Variants in MGST1 observed in about 807,000 individuals in gnomAD.
MGST1 encodes microsomal glutathione S-transferase 1, also known as glutathione S-transferase 12.
In MGST1, 5 loss-of-function variants were observed where a neutral mutation model predicts 8.9. The ratio of observed to expected loss-of-function variants is 0.56; its 90% confidence interval spans 0.29 to 1.19. The LOEUF (loss-of-function observed/expected upper bound fraction) is 1.19, where lower values mean the gene tolerates loss of function less well. Among genes scored for constraint, MGST1 ranks in the 50% most tolerant of loss-of-function variants. The pLI is 0.08. For missense variants in MGST1, 182 were observed against 187.4 expected (o/e 0.97, Z 0.17); for synonymous variants, 54 against 67.8 (o/e 0.80, Z 1.00).
At chr12:16,419,548 T>C (rs1382603939) in intron 1 of MGST1, among the ~76,000 whole-genome samples, 3 of 152,356 alleles carry the variant, frequency 2.0e-5, no homozygotes, top group East Asian at 1.9e-4. Flanking sequence ...ATCTGTAAGA[T>C]ACTGTAGGAA....
chr12:16,393,164 C>T (rs1192562213), intron 1 of MGST1, among the ~76,000 whole-genome samples: 1 of 152,196 alleles, frequency 6.6e-6, no homozygotes, highest in African/African-American at 2.4e-5. Context: ...GCCAGAGCCC[C>T]TGCCAGGCCT....
chr12:16,556,961 G>C (rs867287944), intron 4 of MGST1, among the ~76,000 whole-genome samples: 48 of 152,102 alleles, frequency 3.2e-4, no homozygotes, highest in African/African-American at 1.0e-3. Flanking sequence ...AATGATACTA[G>C]AATAGTATTT....
intron 4 of MGST1, among the ~76,000 whole-genome samples, chr12:16,486,218 C>T (rs1388816172): frequency 6.6e-6 from 1 of 152,196 alleles, no homozygotes; most frequent in Non-Finnish European, 1.5e-5. Flanking sequence ...TCACATTTAA[C>T]ATAGAATATA....
intron 1 of MGST1, among the ~76,000 whole-genome samples, chr12:16,350,423 C>T (rs1161454351): frequency 6.6e-6 from 1 of 152,156 alleles, no homozygotes; most frequent in African/African-American, 2.4e-5. Context: ...GTGTTTTTCC[C>T]TGCTTACTTT....
chr12:16,371,962 G>T (rs1940300395), intron 3 of MGST1, among the ~76,000 whole-genome samples: 1 of 151,976 alleles, frequency 6.6e-6, no homozygotes, highest in Non-Finnish European at 1.5e-5. Flanking sequence ...AAATGCTACT[G>T]GGAAAATTGG....
intron 4 of MGST1, chr12:16,514,430 C>A: frequency 3.6e-6 from 1 of 277,776 alleles, no homozygotes. Context: ...CCCATCGCAT[C>A]ATTAGCATGC....
chr12:16,417,468 CAT>C (rs1302848224), intron 1 of MGST1, among the ~76,000 whole-genome samples: 2 of 152,020 alleles, frequency 1.3e-5, no homozygotes, highest in Non-Finnish European at 2.9e-5. Context: ...AGAGCCAGAC[CAT>C]ATCAACTTAG....
At chr12:16,347,434 G>A (rs1939251418), upstream of MGST1, among the ~76,000 whole-genome samples, 1 of 152,142 alleles carries the variant, frequency 6.6e-6, no homozygotes, top group South Asian at 2.1e-4. This position sits in a 1 kb window ranked among gnomAD's most constrained non-coding sequence, Gnocchi z 4.0. Context: ...ACTGATTAGG[G>A]GAGTTGGCAT....
At chr12:16,429,983 A>T (rs1222670521) in intron 1 of MGST1, among the ~76,000 whole-genome samples, 1 of 152,210 alleles carries the variant, frequency 6.6e-6, no homozygotes, top group Non-Finnish European at 1.5e-5. Context: ...ATTGGAGTCA[A>T]TTCTTTCAAA....
intron 1 of MGST1, among the ~76,000 whole-genome samples, chr12:16,420,784 C>A (rs1191328860): frequency 1.3e-5 from 2 of 152,144 alleles, no homozygotes; most frequent in African/African-American, 2.4e-5. Flanking sequence ...CAACTGAGCA[C>A]CTTTAACCAT....
intron 4 of MGST1, among the ~76,000 whole-genome samples, chr12:16,527,283 C>T (rs1941693488): frequency 6.6e-6 from 1 of 151,962 alleles, no homozygotes; most frequent in East Asian, 1.9e-4. Context: ...AAGCTCTGGA[C>T]AATCCACAAT....
chr12:16,550,572 A>AT (rs1941951894), intron 4 of MGST1: 1 of 152,354 alleles, frequency 6.6e-6, no homozygotes. Flanking sequence ...TTTAAAGCTG[A>AT]TTTTTAACCC....
intron 1 of MGST1, among the ~76,000 whole-genome samples, chr12:16,434,951 C>G (rs1381512092): frequency 6.6e-6 from 1 of 151,958 alleles, no homozygotes; most frequent in African/African-American, 2.4e-5. Context: ...ATTTTTAGTT[C>G]ACTTAACCTG....
At chr12:16,588,887 A>G (rs1030240334) in intron 4 of MGST1, among the ~76,000 whole-genome samples, 1 of 152,036 alleles carries the variant, frequency 6.6e-6, no homozygotes, top group Non-Finnish European at 1.5e-5. Flanking sequence ...TTCTCCCTTC[A>G]TAACAACAGA....
At chr12:16,515,042 G>C (rs1941602998) in intron 4 of MGST1, among the ~76,000 whole-genome samples, 1 of 152,156 alleles carries the variant, frequency 6.6e-6, no homozygotes, top group Admixed American at 6.5e-5. Flanking sequence ...ATGATAAATA[G>C]CACACATTAG....
chr12:16,448,690 CTTA>C (rs1375409784), intron 4 of MGST1, among the ~76,000 whole-genome samples: 1 of 151,860 alleles, frequency 6.6e-6, no homozygotes, highest in Non-Finnish European at 1.5e-5. Flanking sequence ...TGACTCTATT[CTTA>C]TTTACATAAT....
chr12:16,388,471 A>G (rs1409932998), intron 1 of MGST1, among the ~76,000 whole-genome samples: 1 of 152,118 alleles, frequency 6.6e-6, no homozygotes, highest in Non-Finnish European at 1.5e-5. Flanking sequence ...GGTGGCTCAC[A>G]CTAGCTGGCA....
intron 4 of MGST1, among the ~76,000 whole-genome samples, chr12:16,486,703 G>C (rs1941400841): frequency 6.6e-6 from 1 of 152,180 alleles, no homozygotes; most frequent in Non-Finnish European, 1.5e-5. Flanking sequence ...ACTGGCCAGA[G>C]CCTAGTGCTT....
chr12:16,394,559 TTTCTTTCTTTCTTTCTTC>T (rs1347375365), intron 1 of MGST1, among the ~76,000 whole-genome samples: 11 of 84,584 alleles, frequency 1.3e-4, no homozygotes, highest in African/African-American at 4.2e-4. Context: ...TCTTTCTTTC[TTTCTTTCTTTCTTTCTTC>T]TCTCTGTCTC....
Sources: gnomAD v4.1 joint callset for allele counts (sites outside exome capture counted in the v4.1 genomes callset) on GRCh38, gnomAD v4.1.1 for gene constraint, Gnocchi (gnomAD v3.1) non-coding constraint, MANE v1.5 for transcripts, NCBI Gene and HGNC (gene_info 2026-07-23, HGNC 2026-07-21) for gene names.